ANKRD27: variants seen among roughly 807,000 people sequenced by gnomAD.
The protein encoded by ANKRD27 is ankyrin repeat domain-containing protein 27.
In ANKRD27, 112 loss-of-function variants were observed where a neutral mutation model predicts 129.7. That is an observed-to-expected ratio of 0.86 (90% CI 0.74 to 1.01). The LOEUF is 1.01. Among genes scored for constraint, ANKRD27 ranks in the 50% least tolerant of loss-of-function variants. ANKRD27 has a pLI of 0.00. For synonymous variants in ANKRD27, 516 were observed against 511.2 expected (o/e 1.01, Z -0.13); for missense variants, 1,258 against 1,300.5 (o/e 0.97, Z 0.50).
At chr19:32,619,099 C>T (rs1170540736) in intron 20 of ANKRD27, among the ~76,000 whole-genome samples, 161 bp downstream of exon 20, 1 of 152,182 alleles carries the variant, frequency 6.6e-6, no homozygotes, top group Non-Finnish European at 1.5e-5. Flanking sequence ...CTGGGCCCAG[C>T]TTGAAGGCAC....
At chr19:32,639,940 T>C (rs1355557253) in intron 11 of ANKRD27, among the ~76,000 whole-genome samples, 1 of 151,990 alleles carries the variant, frequency 6.6e-6, no homozygotes, top group African/African-American at 2.4e-5. Flanking sequence ...TAGAGTTACA[T>C]TAGAACTACC....
chr19:32,630,608 CCAGCACAGCTA>C (rs1466347991), intron 13 of ANKRD27, among the ~76,000 whole-genome samples: 2 of 152,226 alleles, frequency 1.3e-5, no homozygotes, highest in East Asian at 1.9e-4. Context: ...AGTGTGCCGC[CCAGCACAGCTA>C]CAGCACAGCA....
chr19:32,618,962 T>C (rs978969827), intron 20 of ANKRD27, among the ~76,000 whole-genome samples: 1 of 152,182 alleles, frequency 6.6e-6, no homozygotes, highest in African/African-American at 2.4e-5. Flanking sequence ...GACTTCTACA[T>C]GACCTGACTT....
In ANKRD27 at chr19:32,643,765, A is replaced by T. The variant is rs1054852179; in HGVS notation, c.526-134T>A. The T allele has an allele frequency of 2.8e-5, 26 of 921,892 alleles. No individual in the cohort carries two copies. In the African/African-American group the frequency reaches 3.6e-4, roughly 13 times the overall value. The allele number at this position is 921,892 out of a possible 1,614,324, so 57.1% of individuals were successfully genotyped here. On this transcript the variant is annotated intron_variant, in intron 5 of 28. Coordinates refer to ENST00000306065, the MANE Select transcript of ANKRD27 (RefSeq NM_032139.3). ...GAAGTCAATTACGTGATTTTTCTCAACTTTTTTTTTAGGTGTATATGCATT... is the reference window on the plus strand; with the variant it reads ...GAAGTCAATTACGTGATTTTTCTCATCTTTTTTTTTAGGTGTATATGCATT...
At chr19:32,610,483 T>TA (rs35230573) in intron 22 of ANKRD27, among the ~76,000 whole-genome samples, 2,200 of 107,420 alleles carry the variant, frequency 0.02, 36 homozygotes, top group Admixed American at 0.036. Flanking sequence ...AGACCGTCTC[T>TA]AAAAAAAAAA....
At chr19:32,642,959 A>G (rs259230) in intron 9 of ANKRD27, 164 bp downstream of exon 9, 522,541 of 699,346 alleles carry the variant, frequency 0.75, 196,470 homozygotes, top group African/African-American at 0.9. Context: ...ACAGTCACCT[A>G]TAAAGGGCAG....
At chr19:32,653,202 T>C (rs1002915561) in intron 2 of ANKRD27, among the ~76,000 whole-genome samples, 3 of 152,140 alleles carry the variant, frequency 2.0e-5, no homozygotes, top group African/African-American at 7.2e-5. Flanking sequence ...GAAGCATCTA[T>C]ACTAAATAAA....
At chr19:32,651,672 G>A (rs1230142687) in intron 2 of ANKRD27, among the ~76,000 whole-genome samples, 4 of 151,944 alleles carry the variant, frequency 2.6e-5, no homozygotes, top group Admixed American at 2.0e-4. Context: ...GCCTGGCCTC[G>A]AAGCAGGAAC....
intron 1 of ANKRD27, among the ~76,000 whole-genome samples, chr19:32,662,294 GAGAA>G (rs1967659258): frequency 2.7e-5 from 2 of 75,040 alleles, no homozygotes; most frequent in African/African-American, 5.4e-5. Context: ...TTGGGCAAAA[GAGAA>G]AGACTCAGTC....
intron 2 of ANKRD27, among the ~76,000 whole-genome samples, chr19:32,655,530 CA>C (rs1323705111): frequency 6.6e-6 from 1 of 152,196 alleles, no homozygotes; most frequent in Non-Finnish European, 1.5e-5. Context: ...AAAGTTCATT[CA>C]AAATCCCCCT....
In ANKRD27 at chr19:32,656,111, A is replaced by G. The variant is rs751619307; in HGVS notation, c.102+2803T>C. 8.3e-3 allele frequency among the ~76,000 whole-genome samples: 913 copies of G among 110,430 alleles called. 8 individuals are homozygous for G. The highest frequency in any genetic ancestry group is 0.031 in the African/African-American group (861 of 27,644). 72.4% of individuals were successfully genotyped at this position (110,430 alleles called of 152,430 possible). On this transcript the variant is annotated intron_variant, in intron 2 of 28. Transcript: ENST00000306065. ...AGAAAGAAAGAAAGAAAGAAAGAAA[A>G]GAAAAGAAAAGAAAAGAAAAGAAAA... is the stretch of plus-strand genomic sequence containing the variant.
At chr19:32,672,168 A>T (rs1967883342) in intron 1 of ANKRD27, among the ~76,000 whole-genome samples, 1 of 152,136 alleles carries the variant, frequency 6.6e-6, no homozygotes. Flanking sequence ...CTGACCAAAC[A>T]CTCTGACCAG....
intron 16 of ANKRD27, among the ~76,000 whole-genome samples, chr19:32,626,422 C>T (rs1403982157): frequency 6.6e-6 from 1 of 151,810 alleles, no homozygotes; most frequent in East Asian, 1.9e-4. Context: ...GATCCTCCTG[C>T]TTTGGGCTCC....
At chr19:32,638,065 G>A (rs1257519756) in intron 12 of ANKRD27, 1 of 152,424 alleles carries the variant, frequency 6.6e-6, no homozygotes, top group Non-Finnish European at 1.5e-5. Flanking sequence ...CACGCTTCTG[G>A]GTGGAAAGGT....
chr19:32,629,447 C>A (rs565359896), intron 13 of ANKRD27, among the ~76,000 whole-genome samples: 1 of 152,100 alleles, frequency 6.6e-6, no homozygotes, highest in Non-Finnish European at 1.5e-5. Flanking sequence ...CGCCTATAAT[C>A]CCAGCACTTT....
intron 2 of ANKRD27, among the ~76,000 whole-genome samples, chr19:32,657,820 C>T (rs1322026805): frequency 6.6e-6 from 1 of 151,526 alleles, no homozygotes. Context: ...AGTAAAAACA[C>T]AAAAATTAGC....
At chr19:32,618,977 T>C (rs1328349899) in intron 20 of ANKRD27, among the ~76,000 whole-genome samples, 2 of 152,206 alleles carry the variant, frequency 1.3e-5, no homozygotes, top group African/African-American at 4.8e-5. Context: ...TGACTTGTCT[T>C]CTTCTTAGCC....
intron 14 of ANKRD27, 89 bp from the exon 15 acceptor site, chr19:32,628,254 C>T: frequency 1.8e-6 from 2 of 1,089,652 alleles, no homozygotes; most frequent in South Asian, 2.7e-5. Flanking sequence ...GTACCACAGA[C>T]AGAAGGCGGC....
intron 14 of ANKRD27, 76 bp downstream of exon 14, chr19:32,628,646 A>G (rs1440626948): frequency 1.9e-6 from 3 of 1,579,952 alleles, no homozygotes; most frequent in Non-Finnish European, 1.7e-6. Context: ...GCAGTCACAC[A>G]GCGCACAGTG....
Sources: gnomAD v4.1 joint callset for allele counts (sites outside exome capture counted in the v4.1 genomes callset) on GRCh38, gnomAD v4.1.1 for gene constraint, MANE v1.5 for transcripts, NCBI Gene and HGNC (gene_info 2026-07-23, HGNC 2026-07-21) for gene names.